KIAA1614: variants seen among roughly 807,000 people sequenced by gnomAD.
KIAA1614 encodes KIAA1614, also known as uncharacterized protein KIAA1614.
Under a neutral mutation model 88.7 loss-of-function variants are expected in KIAA1614, and 76 were observed. The ratio of observed to expected loss-of-function variants is 0.86; its 90% CI spans 0.71 to 1.04. The LOEUF (loss-of-function observed/expected upper bound fraction) is 1.04, where lower values mean the gene tolerates loss of function less well. Ranked by LOEUF, KIAA1614 falls within the 50% of genes least tolerant of loss-of-function variation. The pLI, the probability that KIAA1614 is intolerant of heterozygous loss-of-function variation, is 0.00. For synonymous variants in KIAA1614, 714 were observed against 675.5 expected, an observed-to-expected ratio of 1.06 and a Z score of -0.88; for missense variants, 1,553 against 1,582.5, an observed-to-expected ratio of 0.98 and a Z score of 0.32.
intron 1 of KIAA1614, 48 bp from the exon 2 acceptor site, chr1:180,916,106 G>A: frequency 6.9e-7 from 1 of 1,453,000 alleles, no homozygotes; most frequent in African/African-American, 1.4e-5. Flanking sequence ...GGTTGTGGGG[G>A]TTAGTCCTGT....
chr1:180,937,306 G>A (rs1165797804), intron 5 of KIAA1614, among the ~76,000 whole-genome samples: 2 of 152,242 alleles, frequency 1.3e-5, no homozygotes, highest in Non-Finnish European at 2.9e-5. Flanking sequence ...AGGACCCTGT[G>A]ACCAAGGGAA....
At chr1:180,934,704 C>T (rs934010942) in intron 4 of KIAA1614, among the ~76,000 whole-genome samples, 1 of 152,224 alleles carries the variant, frequency 6.6e-6, no homozygotes, top group Non-Finnish European at 1.5e-5. Context: ...CATATTTCCA[C>T]AATCACTACC....
Position 180,916,267 on chromosome 1 carries a change from GCCCTCAGGAAAACAGAACATCCA to G in KIAA1614, c.165_187del (p.Cys55TrpfsTer87). On this transcript the variant is annotated frameshift_variant, in exon 2 of 9. Transcript: ENST00000367588. LOFTEE classifies it high-confidence loss of function. Reference sequence around the variant, plus strand: ...GGACACCCCCCAAGACCCTGGCCTTGCCCTCAGGAAAACAGAACATCCAGCCTGATGGCCCCCCAGCCTCCCAG... The same window carrying G: ...GGACACCCCCCAAGACCCTGGCCTTGGCCTGATGGCCCCCCAGCCTCCCAG... The G allele has an allele frequency of 1.9e-6, 3 of 1,613,806 alleles. No individual in the cohort carries two copies. Among genetic ancestry groups the G allele is most frequent in the Non-Finnish European group, 2.5e-6 (3 of 1,179,974 alleles).
chr1:180,943,474 C>T lies in KIAA1614; in HGVS notation c.3160-915C>T, dbSNP rs114362867. Reference sequence around the variant, plus strand: ...ATTTGCAATTGCAAATATATGGAACCAAACTTTTCTTACAATGACTTCTTT... The same window carrying T: ...ATTTGCAATTGCAAATATATGGAACTAAACTTTTCTTACAATGACTTCTTT... On this transcript the variant is annotated intron_variant, in intron 7 of 8. Coordinates refer to ENST00000367588, the MANE Select transcript of KIAA1614 (RefSeq NM_020950.2). Among the ~76,000 whole-genome samples, 436 of 148,582 alleles carry T rather than the reference C, an allele frequency of 2.9e-3. 6 individuals are homozygous for T. The highest frequency in any genetic ancestry group is 0.018 in the Middle Eastern group (5 of 284).
In KIAA1614 at chr1:180,948,817, A is replaced by C. The variant is rs550964002; in HGVS notation, c.*3229A>C. The C allele has an allele frequency of 6.6e-6, 1 of 152,460 alleles. No individual in the cohort carries two copies. The highest frequency in any genetic ancestry group is 2.1e-4 in the South Asian group (1 of 4,830). The allele number at this position is 152,460 out of a possible 1,614,324, so 9.4% of individuals were successfully genotyped here. ...AAAAGGCTCGGCTTGGCCAAGAAGC[A>C]ACAAAAGGGATTCTACACCTCAGAC... On this transcript the variant is annotated 3_prime_UTR_variant, in exon 9 of 9. Transcript: ENST00000367588.
chr1:180,944,554 A>C (rs779650397), intron 8 of KIAA1614, 38 bp downstream of exon 8: 1 of 1,602,432 alleles, frequency 6.2e-7, no homozygotes, highest in South Asian at 1.1e-5. Flanking sequence ...ATAAACTCAG[A>C]GAGTGACCAG....
chr1:180,933,612 C>T (rs1310517450), intron 4 of KIAA1614, among the ~76,000 whole-genome samples: 3 of 152,180 alleles, frequency 2.0e-5, no homozygotes, highest in African/African-American at 4.8e-5. Context: ...GACCTGGGTC[C>T]ATTTGCATAG....
intron 3 of KIAA1614, among the ~76,000 whole-genome samples, 188 bp downstream of exon 3, chr1:180,918,102 C>T (rs888252798): frequency 6.6e-6 from 1 of 152,190 alleles, no homozygotes; most frequent in African/African-American, 2.4e-5. Flanking sequence ...CGCCACATCC[C>T]CCAGGCTGGT....
At chr1:180,943,811 G>C (rs772588363) in intron 7 of KIAA1614, among the ~76,000 whole-genome samples, 30 of 152,086 alleles carry the variant, frequency 2.0e-4, no homozygotes, top group Middle Eastern at 3.4e-3. Context: ...GCCTCCTAAA[G>C]TGCTGGGATT....
intron 3 of KIAA1614, among the ~76,000 whole-genome samples, chr1:180,920,809 C>T (rs1558065064): frequency 6.6e-6 from 1 of 152,110 alleles, no homozygotes; most frequent in East Asian, 1.9e-4. Context: ...GGCTAAGGGT[C>T]AGATGCGGAG....
chr1:180,932,707 T>C (rs1272642912), intron 4 of KIAA1614, among the ~76,000 whole-genome samples: 1 of 151,870 alleles, frequency 6.6e-6, no homozygotes, highest in Non-Finnish European at 1.5e-5. Flanking sequence ...TTTGTGTATG[T>C]TTTTTTTGGT....
intron 3 of KIAA1614, among the ~76,000 whole-genome samples, chr1:180,920,437 C>T (rs188022265): frequency 3.9e-5 from 6 of 152,238 alleles, no homozygotes. Context: ...TGATGGCCAC[C>T]CCGAAGGGGG....
At chr1:180,930,631 C>T (rs996681319) in intron 4 of KIAA1614, among the ~76,000 whole-genome samples, 3 of 152,226 alleles carry the variant, frequency 2.0e-5, no homozygotes, top group Non-Finnish European at 2.9e-5. Context: ...ACTTCTTCCT[C>T]ATGTCACTCT....
Position 180,945,730 on chromosome 1 carries a change from C to A in KIAA1614, c.*142C>A. ...CCCTAGGCAACTGCAGCTGAGAGTG[C>A]GTTGGTGGGGAGTGTGCGGGAGGGG... On this transcript the variant is annotated 3_prime_UTR_variant, in exon 9 of 9. Transcript: ENST00000367588. The A allele has an allele frequency of 7.2e-7, 1 of 1,392,162 alleles. No individual in the cohort carries two copies. The highest frequency in any genetic ancestry group is 9.2e-7 in the Non-Finnish European group (1 of 1,083,918). The allele number at this position is 1,392,162 out of a possible 1,614,324, so 86.2% of individuals were successfully genotyped here. A position where few individuals can be genotyped will look rare whatever the true frequency, so the allele number is the denominator to read the frequency against.
At chr1:180,929,379 G>A (rs952661678) in intron 4 of KIAA1614, among the ~76,000 whole-genome samples, 7 of 152,150 alleles carry the variant, frequency 4.6e-5, no homozygotes, top group African/African-American at 7.2e-5. Context: ...GGCCTCAGCC[G>A]AGGGGTGAGG....
At chr1:180,926,564 G>A (rs1654073437) in intron 3 of KIAA1614, among the ~76,000 whole-genome samples, 1 of 152,162 alleles carries the variant, frequency 6.6e-6, no homozygotes, top group Non-Finnish European at 1.5e-5. Flanking sequence ...AAACCTGGGG[G>A]CAAGGCTGAT....
intron 3 of KIAA1614, among the ~76,000 whole-genome samples, chr1:180,926,272 A>G (rs1343396856): frequency 6.6e-6 from 1 of 151,820 alleles, no homozygotes; most frequent in East Asian, 1.9e-4. Context: ...GAGAAAGACC[A>G]CCTTCCCTCC....
At chr1:180,944,808 GAA>G (rs1253874575) in intron 8 of KIAA1614, 3 of 269,510 alleles carry the variant, frequency 1.1e-5, no homozygotes, top group African/African-American at 2.2e-5. Flanking sequence ...CTTGAAATCA[GAA>G]AGTTTAGAGA....
intron 7 of KIAA1614, among the ~76,000 whole-genome samples, chr1:180,943,187 C>T (rs1005067953): frequency 2.0e-5 from 3 of 152,014 alleles, no homozygotes; most frequent in African/African-American, 7.2e-5. Context: ...CCACCACAGC[C>T]GGCTAATTTT....
Sources: allele counts gnomAD v4.1 joint callset (sites outside exome capture counted in the v4.1 genomes callset), GRCh38; gene constraint gnomAD v4.1.1; transcripts MANE v1.5; gene names NCBI Gene and HGNC (gene_info 2026-07-23, HGNC 2026-07-21).